TESK2: variants seen among roughly 807,000 people sequenced by gnomAD.
The protein encoded by TESK2 is testis associated actin remodelling kinase 2.
In TESK2, 39 loss-of-function variants were observed where a neutral mutation model predicts 57.1. The observed-to-expected ratio is 0.68, with a 90% CI of 0.53 to 0.89. The LOEUF is 0.89. Ranked by LOEUF, TESK2 falls within the 40% of genes least tolerant of loss-of-function variation. The probability of loss-of-function intolerance (pLI) is 0.00; values close to 1 mark genes in which losing one functional copy is unlikely to be tolerated. For missense variants in TESK2, 646 were observed against 732.1 expected, an observed-to-expected ratio of 0.88 and a Z score of 1.36; for synonymous variants, 249 against 267.9, an observed-to-expected ratio of 0.93 and a Z score of 0.69.
Position 45,482,617 on chromosome 1 carries a change from AAG to A in TESK2, c.-87+8233_-87+8234del, listed in dbSNP as rs1452808275. 2.9e-4 allele frequency among the ~76,000 whole-genome samples: 43 copies of A among 150,084 alleles called. No homozygotes were observed. In the Middle Eastern group the frequency reaches 0.01, roughly 36 times the overall value. ...TCAGCCATTAAAAAAAAAAAAAAAA[AAG>A]TAAATTCATGAAGCCAGGCTATGCA... On this transcript the variant is annotated intron_variant, in intron 1 of 10. Coordinates refer to ENST00000372086, the MANE Select transcript of TESK2 (RefSeq NM_007170.3).
chr1:45,375,113 T>C (rs1449381212), intron 4 of TESK2, among the ~76,000 whole-genome samples: 1 of 152,192 alleles, frequency 6.6e-6, no homozygotes, highest in Admixed American at 6.5e-5. Context: ...TTTCTCTTTT[T>C]TCAGTCATTC....
intron 4 of TESK2, among the ~76,000 whole-genome samples, chr1:45,374,119 C>G (rs1402849487): frequency 6.6e-6 from 1 of 152,222 alleles, no homozygotes; most frequent in East Asian, 1.9e-4. Context: ...TGTCCTCATA[C>G]TACCAATGCT....
rs1570673472 is a variant in TESK2, at chr1:45,384,427, C to CTATCTATG, written c.393+1484_393+1485insCATAGATA. On this transcript the variant is annotated intron_variant, in intron 4 of 10. Transcript: ENST00000372086. ...TCTATCTATCTATCTATCTATCTAT[C>CTATCTATG]TATGTATCTAGAGACAGGGTCTCAC... Among the ~76,000 whole-genome samples, 10 of 142,002 alleles carry CTATCTATG rather than the reference C, an allele frequency of 7.0e-5. No homozygotes were observed. In the East Asian group the frequency reaches 1.7e-3, roughly 24 times the overall value. 93.2% of individuals were successfully genotyped at this position (142,002 alleles called of 152,430 possible).
rs962454605 is a variant in TESK2 at position 45,466,011 on chromosome 1, T to C, written c.-86-8140A>G. On this transcript the variant is annotated intron_variant, in intron 1 of 10. Transcript: ENST00000372086. Reference sequence around the variant, plus strand: ...AAAATTGCACAACCACCCCACAGTATACCATTTTTATAAAAATGTATTTTA... The same window carrying C: ...AAAATTGCACAACCACCCCACAGTACACCATTTTTATAAAAATGTATTTTA... Among the ~76,000 whole-genome samples the C allele has an allele frequency of 9.2e-5, 14 of 152,298 alleles. 1 individual carries two copies. The highest frequency in any genetic ancestry group is 7.9e-4 in the Admixed American group (12 of 15,282).
intron 3 of TESK2, among the ~76,000 whole-genome samples, chr1:45,418,596 A>G (rs1425793880): frequency 9.9e-5 from 15 of 152,228 alleles, no homozygotes; most frequent in Non-Finnish European, 1.5e-5. Context: ...TGGCCCATAC[A>G]TAATCTCTTG....
chr1:45,346,653 G>T, intron 9 of TESK2, 40 bp downstream of exon 9: 4 of 1,561,534 alleles, frequency 2.6e-6, no homozygotes, highest in Non-Finnish European at 3.5e-6. Context: ...AAAGGGTTCA[G>T]CCAGCCCCTG....
At chr1:45,473,957 C>A (rs918144072) in intron 1 of TESK2, among the ~76,000 whole-genome samples, 1 of 151,720 alleles carries the variant, frequency 6.6e-6, no homozygotes, top group African/African-American at 2.4e-5. Context: ...GCCATCATGC[C>A]CAGCCAATTG....
intron 5 of TESK2, among the ~76,000 whole-genome samples, chr1:45,353,023 C>T (rs926393145): frequency 2.0e-5 from 3 of 152,108 alleles, no homozygotes; most frequent in African/African-American, 4.8e-5. Context: ...CTCAGCCTCC[C>T]GAGTAGCTGG....
intron 4 of TESK2, among the ~76,000 whole-genome samples, chr1:45,371,338 G>C (rs1297721399): frequency 6.6e-6 from 1 of 152,184 alleles, no homozygotes; most frequent in Non-Finnish European, 1.5e-5. Context: ...CACTAGCCAA[G>C]AGGTGAAAGC....
chr1:45,384,593 ATTTTTTTTTTTTT>A lies in TESK2; in HGVS notation c.393+1306_393+1318del, dbSNP rs59988269. 9.5e-3 allele frequency among the ~76,000 whole-genome samples: 676 copies of A among 70,858 alleles called. 10 individuals carry two copies. The highest frequency in any genetic ancestry group is 0.035 in the African/African-American group (609 of 17,542). The allele number at this position is 70,858 out of a possible 152,430, so 46.5% of individuals were successfully genotyped here. ...TGCCATCACATCCAGCTAATTATTA[ATTTTTTTTTTTTT>A]TTTTTTTTTTTTTTTTTTTTGTAGA... On this transcript the variant is annotated intron_variant, in intron 4 of 10. Coordinates refer to ENST00000372086, the MANE Select transcript of TESK2 (RefSeq NM_007170.3).
chr1:45,359,452 C>T (rs1351787350), intron 4 of TESK2, among the ~76,000 whole-genome samples: 2 of 151,464 alleles, frequency 1.3e-5, no homozygotes, highest in East Asian at 3.9e-4. Context: ...CCCAGCTACT[C>T]GGGAGGCTGA....
At position 45,344,974 on chromosome 1, in the gene TESK2, G is replaced by A. The variant is rs202038347; in HGVS notation, c.1582C>T (p.Pro528Ser). Residue 528 changes from proline to serine, a missense_variant, in exon 11 of 11, where the codon CCC becomes TCC. Coordinates refer to ENST00000372086, the MANE Select transcript of TESK2 (RefSeq NM_007170.3). ...LQEENGFGSR[P>S]QGTSPCPAGA... is the part of the protein sequence containing the mutation. ...GCAGGGCATGGACTGGTCCCCTGGG[G>A]CCTGGACCCAAAACCATTTTCTTCC... 94 of 1,614,130 alleles carry A rather than the reference G, an allele frequency of 5.8e-5. No individual in the cohort carries two copies. Among genetic ancestry groups the A allele is most frequent in the Admixed American group, 1.3e-4 (8 of 60,002 alleles).
intron 2 of TESK2, among the ~76,000 whole-genome samples, chr1:45,427,029 G>A (rs1650722862): frequency 2.0e-5 from 3 of 152,072 alleles, no homozygotes; most frequent in South Asian, 2.1e-4. Context: ...GATTACCTGA[G>A]GTCGGGAGTT....
intron 3 of TESK2, among the ~76,000 whole-genome samples, chr1:45,407,731 A>G (rs1649901375): frequency 6.6e-6 from 1 of 152,058 alleles, no homozygotes; most frequent in African/African-American, 2.4e-5. Context: ...TTTTGCCATG[A>G]CTGTGAGGCC....
At chr1:45,350,799 G>A (rs1647219546) in intron 5 of TESK2, among the ~76,000 whole-genome samples, 1 of 152,100 alleles carries the variant, frequency 6.6e-6, no homozygotes, top group African/African-American at 2.4e-5. Flanking sequence ...CCCCAATATT[G>A]TGCCCTCTAA....
intron 4 of TESK2, among the ~76,000 whole-genome samples, chr1:45,383,659 T>C (rs964629510): frequency 4.6e-5 from 7 of 152,180 alleles, no homozygotes; most frequent in African/African-American, 1.4e-4. Flanking sequence ...GTCGGCAAAA[T>C]TAACACACCA....
rs966587495 is a variant in TESK2 at position 45,479,434 on chromosome 1, A to AT, written c.-87+11417dup. Among the ~76,000 whole-genome samples, 204 of 147,142 alleles carry AT rather than the reference A, an allele frequency of 1.4e-3. 3 individuals are homozygous for AT. The East Asian group carries it at 0.026, about 19-fold the overall frequency. On this transcript the variant is annotated intron_variant, in intron 1 of 10. Transcript: ENST00000372086. ...TCCATACTGCAGAAAGAAAAAAAAAATTTTTTTTTTTTGGAGACGGAGTTT... is the reference window on the plus strand; with the variant it reads ...TCCATACTGCAGAAAGAAAAAAAAAATTTTTTTTTTTTTGGAGACGGAGTTT...
At chr1:45,464,425 A>AT (rs1652456734) in intron 1 of TESK2, among the ~76,000 whole-genome samples, 1 of 150,194 alleles carries the variant, frequency 6.7e-6, no homozygotes, top group African/African-American at 2.4e-5. Context: ...CACTGGATAA[A>AT]AAAAAAAAAA....
chr1:45,420,866 G>T (rs1433427581), intron 3 of TESK2, among the ~76,000 whole-genome samples: 1 of 152,170 alleles, frequency 6.6e-6, no homozygotes, highest in Non-Finnish European at 1.5e-5. Flanking sequence ...GGGATTACAG[G>T]CGTGAGCCAT....
Sources: allele counts gnomAD v4.1 joint callset (sites outside exome capture counted in the v4.1 genomes callset), GRCh38; gene constraint gnomAD v4.1.1; transcripts MANE v1.5; gene names NCBI Gene and HGNC (gene_info 2026-07-23, HGNC 2026-07-21).